DMD: variants seen among roughly 807,000 people sequenced by gnomAD.
DMD encodes mutant dystrophin.
DMD carries 63 observed loss-of-function variants against 330.1 expected under a neutral mutation model. The ratio of observed to expected loss-of-function variants is 0.19; its 90% CI spans 0.16 to 0.24. DMD has a LOEUF of 0.24. DMD is among the 10% of genes least tolerant of loss of function. The probability of loss-of-function intolerance (pLI) is 1.00; values close to 1 mark genes in which losing one functional copy is unlikely to be tolerated. For missense variants in DMD, 3,344 were observed against 2,684.1 expected, an observed-to-expected ratio of 1.25 and a Z score of -5.43; for synonymous variants, 1,223 against 959.8, an observed-to-expected ratio of 1.27 and a Z score of -5.07.
At chrX:33,126,420 T>A (rs1390110959) in intron 1 of DMD, among the ~76,000 whole-genome samples, 1 of 111,126 alleles carries the variant, frequency 9.0e-6, no homozygotes, top group Non-Finnish European at 1.9e-5. Context: ...AATGCAGAGG[T>A]TGGGGCCCCA....
At chrX:32,449,993 G>A (rs146786443) in intron 26 of DMD, among the ~76,000 whole-genome samples, 1 of 110,832 alleles carries the variant, frequency 9.0e-6, no homozygotes, top group African/African-American at 3.3e-5. Context: ...ATATATGCCT[G>A]CGGGTTATCC....
intron 1 of DMD, among the ~76,000 whole-genome samples, chrX:33,033,215 C>T (rs1250102390): frequency 9.1e-6 from 1 of 110,204 alleles, no homozygotes; most frequent in African/African-American, 3.3e-5. Context: ...ACTGCTTCTT[C>T]CAAGATTCTT....
intron 52 of DMD, among the ~76,000 whole-genome samples, chrX:31,711,070 TTTGA>T (rs2084593453): frequency 9.4e-6 from 1 of 106,545 alleles, no homozygotes; most frequent in African/African-American, 3.4e-5. Context: ...TAAAATACTG[TTTGA>T]TTGGCTCCAG....
chrX:33,103,156 T>C (rs1193801483), intron 1 of DMD, among the ~76,000 whole-genome samples: 1 of 111,847 alleles, frequency 8.9e-6, no homozygotes, highest in Non-Finnish European at 1.9e-5. Context: ...TAAGACATTC[T>C]TCTAGCATCA....
intron 41 of DMD, among the ~76,000 whole-genome samples, chrX:32,323,329 G>A (rs766578547): frequency 3.6e-5 from 4 of 110,925 alleles, no homozygotes; most frequent in African/African-American, 6.6e-5. Context: ...ACTGAAGGAT[G>A]ACTGTGTAAT....
intron 43 of DMD, among the ~76,000 whole-genome samples, chrX:32,238,269 G>A (rs2097195177): frequency 9.0e-6 from 1 of 111,696 alleles, no homozygotes; most frequent in Non-Finnish European, 1.9e-5. Flanking sequence ...CTTATTTTAT[G>A]AGGTTGTAGT....
At chrX:32,325,406 T>A (rs1405096067) in intron 41 of DMD, among the ~76,000 whole-genome samples, 1 of 111,812 alleles carries the variant, frequency 8.9e-6, no homozygotes, top group East Asian at 2.8e-4. Context: ...AGTCTTTACA[T>A]AACATATTTA....
chrX:32,457,806 A>G (rs1475299357), intron 25 of DMD, among the ~76,000 whole-genome samples: 10 of 110,569 alleles, frequency 9.0e-5, no homozygotes, highest in Non-Finnish European at 3.8e-5. Context: ...GAGAAAGACA[A>G]TGATCTGCAA....
chrX:32,624,369 A>C (rs2058204835), intron 11 of DMD, among the ~76,000 whole-genome samples: 1 of 111,895 alleles, frequency 8.9e-6, no homozygotes, highest in Admixed American at 9.5e-5. Flanking sequence ...TGCTACGGTA[A>C]ACTTCCAATC....
At chrX:31,584,900 G>A (rs1044409333) in intron 55 of DMD, among the ~76,000 whole-genome samples, 5 of 111,497 alleles carry the variant, frequency 4.5e-5, no homozygotes, top group Non-Finnish European at 9.4e-5. Context: ...AGAGGAGACG[G>A]AATTTAGAAC....
intron 2 of DMD, among the ~76,000 whole-genome samples, chrX:32,949,338 GTAGGTAGATAGA>G (rs1467409729): frequency 1.1e-3 from 88 of 80,917 alleles, no homozygotes; most frequent in African/African-American, 2.0e-3. Flanking sequence ...AGGTAGGTAG[GTAGGTAGATAGA>G]TAGATAGATA....
At position 32,456,377 on chromosome X, in the gene DMD, A is replaced by G. The variant is rs1033359851; in HGVS notation, c.3433-1545T>C. ...GTATAAATGTTATTTTGTGCAGTCA[A>G]TGAACCTATAATAAACTTAAGAAAA... On this transcript the variant is annotated intron_variant, in intron 25 of 78. Coordinates refer to ENST00000357033, the MANE Select transcript of DMD (RefSeq NM_004006.3). Among the ~76,000 whole-genome samples the G allele has an allele frequency of 2.7e-5, 3 of 111,141 alleles. No individual in the cohort carries two copies. The Admixed American group carries it at 2.9e-4, about 11-fold the overall frequency.
chrX:32,883,248 G>A (rs1192504075), intron 2 of DMD, among the ~76,000 whole-genome samples: 1 of 111,627 alleles, frequency 9.0e-6, no homozygotes, highest in African/African-American at 3.3e-5. Context: ...GTTGAAGTTT[G>A]ACCTCAAAAA....
chrX:32,078,295 T>G (rs144967339), intron 44 of DMD, among the ~76,000 whole-genome samples: 21 of 112,103 alleles, frequency 1.9e-4, no homozygotes, highest in African/African-American at 6.5e-4. Context: ...CCTTGTTGAC[T>G]ACAAATCTGA....
chrX:33,332,893 T>G (rs2054200340), intron 1 of DMD, among the ~76,000 whole-genome samples: 2 of 111,314 alleles, frequency 1.8e-5, no homozygotes, highest in Non-Finnish European at 3.8e-5. Context: ...TACTGGTCTT[T>G]AAGAGAAATA....
intron 44 of DMD, among the ~76,000 whole-genome samples, chrX:32,057,639 T>C (rs2096188049): frequency 8.9e-6 from 1 of 111,826 alleles, no homozygotes; most frequent in Admixed American, 9.5e-5. Context: ...GAAATACATC[T>C]GATGTGTCAT....
At chrX:32,131,336 A>G (rs1203223021) in intron 44 of DMD, among the ~76,000 whole-genome samples, 1 of 112,489 alleles carries the variant, frequency 8.9e-6, no homozygotes, top group African/African-American at 3.2e-5. Flanking sequence ...ATAGAAGATA[A>G]TCAATGGATA....
intron 44 of DMD, among the ~76,000 whole-genome samples, chrX:32,210,850 A>G (rs874829): frequency 0.48 from 53,261 of 110,364 alleles, 10,322 homozygotes; most frequent in Middle Eastern, 0.64. Flanking sequence ...GAAGAATGAG[A>G]AAACCTGGGT....
At chrX:32,209,622 A>AT (rs1569550997) in intron 44 of DMD, among the ~76,000 whole-genome samples, 1 of 110,695 alleles carries the variant, frequency 9.0e-6, no homozygotes, top group Non-Finnish European at 1.9e-5. Flanking sequence ...TTTTGTTTTG[A>AT]TTTTTTCTAT....
Sources: allele counts gnomAD v4.1 joint callset (sites outside exome capture counted in the v4.1 genomes callset), GRCh38; gene constraint gnomAD v4.1.1; transcripts MANE v1.5; gene names NCBI Gene and HGNC (gene_info 2026-07-23, HGNC 2026-07-21).